The following SETDB1 variants were observed in gnomAD, a reference collection of about 807,000 sequenced individuals.
The protein encoded by SETDB1 is SET domain bifurcated histone lysine methyltransferase 1, also known as histone-lysine N-methyltransferase SETDB1.
SETDB1 carries 31 observed loss-of-function variants against 137.4 expected under a neutral mutation model. The ratio of observed to expected loss-of-function variants is 0.23; its 90% CI spans 0.17 to 0.30. SETDB1 has a LOEUF of 0.30. Among genes scored for constraint, SETDB1 ranks in the 10% least tolerant of loss-of-function variants. SETDB1 has a pLI of 1.00. For synonymous variants in SETDB1, 548 were observed against 579.9 expected (o/e 0.95, Z 0.79); for missense variants, 1,113 against 1,631.5 (o/e 0.68, Z 5.47).
intron 12 of SETDB1, 69 bp from the exon 13 acceptor site, chr1:150,950,389 C>G: frequency 7.5e-7 from 1 of 1,336,198 alleles, no homozygotes; most frequent in Non-Finnish European, 1.0e-6. Flanking sequence ...GGCTTAGCTA[C>G]CTGGAGGGTT....
At chr1:150,951,967 G>A (rs1670499678) in intron 14 of SETDB1, among the ~76,000 whole-genome samples, 1 of 151,954 alleles carries the variant, frequency 6.6e-6, no homozygotes, top group African/African-American at 2.4e-5. Context: ...GGCCAACCTG[G>A]TGAAACCCTG....
intron 2 of SETDB1, among the ~76,000 whole-genome samples, 181 bp from the exon 3 acceptor site, chr1:150,929,786 C>T (rs953877344): frequency 6.6e-6 from 1 of 152,094 alleles, no homozygotes; most frequent in South Asian, 2.1e-4. Flanking sequence ...GGAAACTAAA[C>T]CACTATTTAA....
At chr1:150,931,726 C>CAAAAA (rs10691133) in intron 3 of SETDB1, among the ~76,000 whole-genome samples, 35 of 72,314 alleles carry the variant, frequency 4.8e-4, no homozygotes, top group Admixed American at 8.0e-4. Context: ...CTGTCTCACC[C>CAAAAA]AAAAAAAAAA....
chr1:150,944,766 T>C (rs587765279), intron 8 of SETDB1, 152 bp from the exon 9 acceptor site: 2 of 689,978 alleles, frequency 2.9e-6, no homozygotes, highest in African/African-American at 3.6e-5. Flanking sequence ...GTTTATTACT[T>C]AGGTGGTCTT....
At chr1:150,928,197 A>T (rs985545597) in intron 2 of SETDB1, 1 of 538,832 alleles carries the variant, frequency 1.9e-6, no homozygotes, top group Admixed American at 3.4e-5. Flanking sequence ...AGCTGGAATT[A>T]TAGGCATCCG....
intron 14 of SETDB1, among the ~76,000 whole-genome samples, chr1:150,956,959 G>A (rs192026392): frequency 1.1e-4 from 17 of 152,080 alleles, no homozygotes; most frequent in Admixed American, 5.9e-4. Flanking sequence ...TACAAAAAAA[G>A]TTTTAAAAAT....
At position 150,963,757 on chromosome 1, in the gene SETDB1, C is replaced by G. The variant is rs975661414; in HGVS notation, c.3672+16C>G. 6.2e-7 allele frequency: 1 copy of G among 1,610,854 alleles called. No homozygotes were observed. Among genetic ancestry groups the G allele is most frequent in the Non-Finnish European group, 8.5e-7 (1 of 1,177,062 alleles). ...CTACCTCAACGTGAGACCCCTCTCC[C>G]CACCTCTAGATGCTGGATTATCCCA... is the stretch of plus-strand genomic sequence containing the variant. On this transcript the variant is annotated intron_variant, in intron 20 of 21. Transcript: ENST00000692827.
At chr1:150,935,565 A>G (rs1353353905) in intron 3 of SETDB1, among the ~76,000 whole-genome samples, 2 of 151,574 alleles carry the variant, frequency 1.3e-5, no homozygotes, top group African/African-American at 4.9e-5. Context: ...TGTGCTTTGG[A>G]TTGGATAATT....
chr1:150,963,028 C>T lies in SETDB1; in HGVS notation c.3349C>T (p.Arg1117Ter), dbSNP rs770466119. ...AAGTGAGGGGGAAAGTGGGACCAGCCGAAAGCCCACTGCTGGTCAGACTTC... is the reference window on the plus strand; with the variant it reads ...AAGTGAGGGGGAAAGTGGGACCAGCTGAAAGCCCACTGCTGGTCAGACTTC... ...TESEGESGTS[R>*]KPTAGQTSAT... Residue 1117 changes from arginine (R) to a stop codon, truncating the protein, a stop_gained, in exon 19 of 22, where the codon CGA (arginine) becomes TGA (stop). Transcript: ENST00000692827. LOFTEE classifies it high-confidence loss of function. The T allele has an allele frequency of 6.2e-7, 1 of 1,614,064 alleles. No homozygotes were observed.
In SETDB1 at chr1:150,930,137, A is replaced by T. The variant is rs1669678167; in HGVS notation, c.412+19A>T. The T allele has an allele frequency of 1.2e-6, 2 of 1,604,784 alleles. No individual in the cohort carries two copies. Among genetic ancestry groups the T allele is most frequent in the East Asian group, 2.2e-5 (1 of 44,746 alleles). On this transcript the variant is annotated intron_variant, in intron 3 of 21. Transcript: ENST00000692827. ...GATTCAGGTAAGGGATGAGCTTTGG[A>T]TAGGAGAGTCTCAGGACTGAAGTTG...
At chr1:150,944,109 A>C in intron 8 of SETDB1, 116 bp downstream of exon 8, 1 of 773,366 alleles carries the variant, frequency 1.3e-6, no homozygotes, top group Non-Finnish European at 2.3e-6. Flanking sequence ...AAAGAGCATA[A>C]GTTTGGTTGA....
At chr1:150,962,369 A>T (rs1398809772) in intron 17 of SETDB1, among the ~76,000 whole-genome samples, 1 of 152,046 alleles carries the variant, frequency 6.6e-6, no homozygotes, top group East Asian at 1.9e-4. Context: ...GGGTTTCACC[A>T]TGTTTCCCAG....
chr1:150,948,109 C>A (rs72704700), intron 10 of SETDB1, among the ~76,000 whole-genome samples: 3,891 of 151,730 alleles, frequency 0.026, 82 homozygotes, highest in Middle Eastern at 0.058. Context: ...GCACCTGTAG[C>A]CTTAGCTACT....
At chr1:150,948,837 G>A (rs587627992) in intron 10 of SETDB1, among the ~76,000 whole-genome samples, 34 of 151,504 alleles carry the variant, frequency 2.2e-4, no homozygotes, top group Non-Finnish European at 4.4e-4. Context: ...ATTGTCCTGC[G>A]CCTTCCGAGC....
At chr1:150,936,779 A>G (rs1490445032) in intron 3 of SETDB1, among the ~76,000 whole-genome samples, 1 of 152,038 alleles carries the variant, frequency 6.6e-6, no homozygotes, top group Non-Finnish European at 1.5e-5. Flanking sequence ...TCAGCCTCCC[A>G]AGTAGCTGAG....
intron 13 of SETDB1, 32 bp from the exon 14 acceptor site, chr1:150,951,333 G>A (rs748409414): frequency 1.8e-5 from 26 of 1,460,276 alleles, no homozygotes; most frequent in South Asian, 1.3e-4. Context: ...TGATCCCCCC[G>A]CTCCTTTCCT....
chr1:150,946,194 A>G (rs1438192606), intron 9 of SETDB1, among the ~76,000 whole-genome samples: 2 of 151,044 alleles, frequency 1.3e-5, no homozygotes, highest in Non-Finnish European at 3.0e-5. Context: ...TGATTTTTGT[A>G]TTTTTAGTAG....
intron 3 of SETDB1, among the ~76,000 whole-genome samples, chr1:150,931,182 C>T (rs1268273138): frequency 7.0e-6 from 1 of 143,574 alleles, no homozygotes; most frequent in Non-Finnish European, 1.5e-5. Context: ...ATCTCTTAAG[C>T]ATAGGAAGTT....
Position 150,941,471 on chromosome 1 carries a change from C to T in SETDB1, c.547+43C>T, listed in dbSNP as rs367837978. 2.9e-5 allele frequency: 35 copies of T among 1,193,718 alleles called. No homozygotes were observed. In the African/African-American group the frequency reaches 4.6e-4, roughly 16 times the overall value. 73.9% of individuals were successfully genotyped at this position (1,193,718 alleles called of 1,614,324 possible). On this transcript the variant is annotated intron_variant, in intron 5 of 21. Transcript: ENST00000692827. ...CCTGGGTACAGATGGGAGGTGAATT[C>T]TTACAGAGATTTTGTCTTAAGTCTT...
Sources: allele counts gnomAD v4.1 joint callset (sites outside exome capture counted in the v4.1 genomes callset), GRCh38; gene constraint gnomAD v4.1.1; transcripts MANE v1.5; gene names NCBI Gene and HGNC (gene_info 2026-07-23, HGNC 2026-07-21).